ARIH2: variants seen among roughly 807,000 people sequenced by gnomAD.
The protein encoded by ARIH2 is ariadne RBR E3 ubiquitin protein ligase 2, also known as E3 ubiquitin-protein ligase ARIH2.
ARIH2 carries 12 observed loss-of-function variants against 79.8 expected under a neutral mutation model. The ratio of observed to expected loss-of-function variants is 0.15; its 90% CI spans 0.10 to 0.24. The LOEUF (loss-of-function observed/expected upper bound fraction) is 0.24. Among genes scored for constraint, ARIH2 ranks in the 10% least tolerant of loss-of-function variants. ARIH2 has a pLI of 1.00. For missense variants in ARIH2, 301 were observed against 618.3 expected (o/e 0.49, Z 5.44); for synonymous variants, 224 against 213.9 (o/e 1.05, Z -0.41).
intron 3 of ARIH2, among the ~76,000 whole-genome samples, chr3:48,944,340 T>C (rs2088805654): frequency 6.6e-6 from 1 of 152,188 alleles, no homozygotes; most frequent in African/African-American, 2.4e-5. Context: ...ATTTTTACAT[T>C]ATTATATTTT....
chr3:48,940,972 A>C (rs977513967), intron 3 of ARIH2, among the ~76,000 whole-genome samples: 1 of 151,022 alleles, frequency 6.6e-6, no homozygotes. Context: ...GATCAAGACT[A>C]TCCTGGCTAA....
chr3:48,940,333 G>A (rs2087903483), intron 3 of ARIH2, among the ~76,000 whole-genome samples: 1 of 151,158 alleles, frequency 6.6e-6, no homozygotes, highest in Admixed American at 6.6e-5. Context: ...TTTTAAAAAA[G>A]ATAGATAGAT....
intron 11 of ARIH2, among the ~76,000 whole-genome samples, chr3:48,976,963 G>A (rs952297123): frequency 2.6e-5 from 4 of 151,792 alleles, no homozygotes; most frequent in Non-Finnish European, 5.9e-5. Context: ...CACTTTGGGA[G>A]GCCGAGGTGG....
chr3:48,955,394 A>C (rs1187256088), intron 3 of ARIH2, among the ~76,000 whole-genome samples: 2 of 151,676 alleles, frequency 1.3e-5, no homozygotes, highest in Non-Finnish European at 2.9e-5. Flanking sequence ...CTTTTGGAAA[A>C]GATTTGGCCT....
At chr3:48,939,757 C>CAAAAAAA (rs1190260583) in intron 3 of ARIH2, among the ~76,000 whole-genome samples, 10 of 43,398 alleles carry the variant, frequency 2.3e-4, no homozygotes, top group East Asian at 1.1e-3. Context: ...GACTCCATCT[C>CAAAAAAA]AAAAAAAAAA....
In ARIH2 at chr3:48,927,551, A is replaced by G. The variant is rs1341828554; in HGVS notation, c.-8A>G. 1.2e-6 allele frequency: 2 copies of G among 1,612,308 alleles called. No individual in the cohort carries two copies. The highest frequency in any genetic ancestry group is 1.7e-6 in the Non-Finnish European group (2 of 1,179,382). ...CTTTCCTGATCTGCAACTTGGCTGGATGCTAAGATGTCAGTGGACATGAAT... is the reference window on the plus strand; with the variant it reads ...CTTTCCTGATCTGCAACTTGGCTGGGTGCTAAGATGTCAGTGGACATGAAT... On this transcript the variant is annotated 5_prime_UTR_variant, in exon 3 of 16. An upstream start codon of the reference 5' UTR is lost. Transcript: ENST00000356401.
At chr3:48,942,645 A>ATTTTTTTT (rs745532484) in intron 3 of ARIH2, among the ~76,000 whole-genome samples, 1 of 104,726 alleles carries the variant, frequency 9.5e-6, no homozygotes, top group Non-Finnish European at 2.0e-5. Flanking sequence ...TGCCCGGCTA[A>ATTTTTTTT]TTTTTTTTTT....
chr3:48,974,585 G>T, intron 9 of ARIH2: 1 of 581,448 alleles, frequency 1.7e-6, no homozygotes, highest in Non-Finnish European at 3.1e-6. Context: ...GATGGTGGAA[G>T]ACTTAGTGGG....
intron 3 of ARIH2, among the ~76,000 whole-genome samples, chr3:48,943,969 C>T (rs1011287128): frequency 5.9e-5 from 9 of 152,204 alleles, no homozygotes; most frequent in Non-Finnish European, 1.2e-4. Context: ...TAGTCCTACT[C>T]TGTGCAGTTC....
intron 11 of ARIH2, 43 bp from the exon 12 acceptor site, chr3:48,979,439 G>A: frequency 1.3e-6 from 2 of 1,596,968 alleles, no homozygotes; most frequent in Middle Eastern, 1.7e-4. Flanking sequence ...GGAAAGTGGA[G>A]TTGTCTTGTA....
At chr3:48,942,306 C>T (rs1324293315) in intron 3 of ARIH2, among the ~76,000 whole-genome samples, 2 of 152,084 alleles carry the variant, frequency 1.3e-5, no homozygotes, top group African/African-American at 2.4e-5. Context: ...CCGCTTCAGC[C>T]TCCTGAAGTG....
intron 3 of ARIH2, among the ~76,000 whole-genome samples, chr3:48,939,452 C>T (rs2087700429): frequency 6.6e-6 from 1 of 151,136 alleles, no homozygotes; most frequent in Admixed American, 6.6e-5. Flanking sequence ...CCCTTCTTCC[C>T]TTTAAAAATT....
At chr3:48,943,078 C>T (rs2088573595) in intron 3 of ARIH2, 1 of 152,200 alleles carries the variant, frequency 6.6e-6, no homozygotes, top group African/African-American at 2.4e-5. Flanking sequence ...TGCGCCTCGC[C>T]AACCTCTTCT....
At chr3:48,956,669 CGTGTGTGTGTGTGT>C (rs10591265) in intron 3 of ARIH2, among the ~76,000 whole-genome samples, 2 of 147,788 alleles carry the variant, frequency 1.4e-5, no homozygotes, top group African/African-American at 5.0e-5. Flanking sequence ...ATACAGCTGA[CGTGTGTGTGTGTGT>C]GTGTGTGTGT....
intron 3 of ARIH2, among the ~76,000 whole-genome samples, chr3:48,939,651 G>A (rs1458434618): frequency 2.0e-5 from 3 of 150,380 alleles, no homozygotes; most frequent in East Asian, 2.0e-4. Context: ...CCAGCTACTC[G>A]GGAGGCTGAG....
intron 3 of ARIH2, among the ~76,000 whole-genome samples, chr3:48,936,227 TC>T (rs2087097843): frequency 6.6e-6 from 1 of 151,786 alleles, no homozygotes. Context: ...CCCTTGCTGC[TC>T]TAGGAAAAAT....
intron 2 of ARIH2, chr3:48,925,081 T>C (rs2085367877): frequency 6.6e-6 from 1 of 151,726 alleles, no homozygotes; most frequent in Non-Finnish European, 1.5e-5. Context: ...CTGGCCACCT[T>C]GGTCTCCCAA....
At position 48,978,415 on chromosome 3, in the gene ARIH2, TTGTGTATGTG is replaced by T. The variant is rs1386606665; in HGVS notation, c.962-1061_962-1052del. 4.1e-3 allele frequency among the ~76,000 whole-genome samples: 372 copies of T among 90,670 alleles called. 2 individuals are homozygous for T. The highest frequency in any genetic ancestry group is 0.014 in the South Asian group (24 of 1,766). The allele number at this position is 90,670 out of a possible 152,430, so 59.5% of individuals were successfully genotyped here. A position where few individuals can be genotyped will look rare whatever the true frequency, so the allele number is the denominator to read the frequency against. ...GCATGTGCCACCACACCTGGCTAAT[TTGTGTATGTG>T]TGTGTGTGTGTGTGTGTGTGTGTGT... On this transcript the variant is annotated intron_variant, in intron 11 of 15. Transcript: ENST00000356401.
chr3:48,950,593 T>G (rs1232483621), intron 3 of ARIH2, among the ~76,000 whole-genome samples: 1 of 152,190 alleles, frequency 6.6e-6, no homozygotes, highest in Non-Finnish European at 1.5e-5. Context: ...GGATTTTCAT[T>G]TTGATTGGTT....
Sources: allele counts gnomAD v4.1 joint callset (sites outside exome capture counted in the v4.1 genomes callset), GRCh38; gene constraint gnomAD v4.1.1; transcripts MANE v1.5; gene names NCBI Gene and HGNC (gene_info 2026-07-23, HGNC 2026-07-21).